Variants in CEPT1 observed in about 807,000 individuals in gnomAD.
The protein encoded by CEPT1 is choline/ethanolamine phosphotransferase 1, also known as choline/ethanolaminephosphotransferase 1.
Under a neutral mutation model 42.6 loss-of-function variants are expected in CEPT1, and 7 were observed. The observed-to-expected ratio is 0.16, with a 90% CI of 0.09 to 0.31. The LOEUF (loss-of-function observed/expected upper bound fraction) is 0.31. Ranked by LOEUF, CEPT1 falls within the 10% of genes least tolerant of loss-of-function variation. The probability of loss-of-function intolerance (pLI) is 1.00; values close to 1 mark genes in which losing one functional copy is unlikely to be tolerated. For synonymous variants in CEPT1, 171 were observed against 171.9 expected (o/e 0.99, Z 0.04); for missense variants, 306 against 502.1 (o/e 0.61, Z 3.73).
chr1:111,144,381 G>T (rs1205965929), intron 1 of CEPT1, among the ~76,000 whole-genome samples: 2 of 152,206 alleles, frequency 1.3e-5, no homozygotes, highest in Admixed American at 6.5e-5. Context: ...GTTGCTAATA[G>T]CTTCACAGAG....
upstream of CEPT1, chr1:111,139,913 G>C (rs988685952): frequency 6.6e-6 from 1 of 152,112 alleles, no homozygotes; most frequent in Non-Finnish European, 1.5e-5. Flanking sequence ...CCTGCGACGC[G>C]GGTAAGGGGG....
At position 111,159,235 on chromosome 1, in the gene CEPT1, T is replaced by C. The variant is rs191460357; in HGVS notation, c.340-145T>C. 1.1e-3 allele frequency: 779 copies of C among 739,548 alleles called. 5 individuals are homozygous for C. In the African/African-American group the frequency reaches 0.012, roughly 11 times the overall value. 45.8% of individuals were successfully genotyped at this position (739,548 alleles called of 1,614,324 possible). On this transcript the variant is annotated intron_variant, in intron 2 of 8. Coordinates refer to ENST00000357172, the MANE Select transcript of CEPT1 (RefSeq NM_006090.5). ...CGGCATTCTTTTACAATTCTAATTG[T>C]TTCAGTGAGTTCTTCATTATGTAGC...
At position 111,163,849 on chromosome 1, in the gene CEPT1, AT is replaced by A. The variant is rs916494027; in HGVS notation, c.629+2559del. Among the ~76,000 whole-genome samples, 93 of 152,296 alleles carry A rather than the reference AT, an allele frequency of 6.1e-4. 1 individual carries two copies. Among genetic ancestry groups the A allele is most frequent in the South Asian group, 2.3e-3 (11 of 4,826 alleles). On this transcript the variant is annotated intron_variant, in intron 4 of 8. Coordinates refer to ENST00000357172, the MANE Select transcript of CEPT1 (RefSeq NM_006090.5). ...TCTGAAATGTAGTTTGAGTAAAGAA[AT>A]TTTTTAAAATCACTTGCATTTTCTT... is the stretch of plus-strand genomic sequence containing the variant.
intron 1 of CEPT1, among the ~76,000 whole-genome samples, chr1:111,141,662 C>G (rs535519421): frequency 6.6e-6 from 1 of 152,110 alleles, no homozygotes; most frequent in African/African-American, 2.4e-5. Flanking sequence ...CAATATTTCA[C>G]TTCAGCAAAA....
chr1:111,150,531 T>G (rs1655212362), intron 2 of CEPT1, among the ~76,000 whole-genome samples: 1 of 152,160 alleles, frequency 6.6e-6, no homozygotes, highest in South Asian at 2.1e-4. Context: ...CCAGGGAAAT[T>G]CTCCTTCATT....
chr1:111,169,029 A>G (rs1000290777), intron 4 of CEPT1, among the ~76,000 whole-genome samples: 12 of 152,234 alleles, frequency 7.9e-5, no homozygotes, highest in African/African-American at 2.7e-4. Flanking sequence ...TACGTTACTT[A>G]TACCTCACAC....
Position 111,183,568 on chromosome 1 carries a change from T to C in CEPT1, c.1112T>C (p.Ile371Thr). ...QYFNSFIDEY[I>T]VLWIALVFSF... Reference sequence around the variant, plus strand: ...TTTAACAGCTTTATTGATGAATATATTGTACTTTGGATTGCCCTGGTAAGT... The same window carrying C: ...TTTAACAGCTTTATTGATGAATATACTGTACTTTGGATTGCCCTGGTAAGT... The change falls in exon 8 of 9, where the codon ATT (isoleucine) becomes ACT (threonine). Residue 371 changes from isoleucine to threonine, a missense_variant. Ile to Thr is a moderately conservative substitution (Grantham distance 89). This residue lies in a region of CEPT1 where 253 missense variants were observed against 447.3 expected (regional missense o/e 0.57). Transcript: ENST00000357172. 6.2e-7 allele frequency: 1 copy of C among 1,612,970 alleles called. No individual in the cohort carries two copies. The highest frequency in any genetic ancestry group is 8.5e-7 in the Non-Finnish European group (1 of 1,179,042).
intron 2 of CEPT1, among the ~76,000 whole-genome samples, chr1:111,149,266 C>CTTTTTTTTTTTTTT (rs775722606): frequency 0.014 from 1,797 of 127,310 alleles, 164 homozygotes; most frequent in African/African-American, 0.044. Flanking sequence ...GGTTTCTCCT[C>CTTTTTTTTTTTTTT]TTTTTTTTTT....
intron 4 of CEPT1, among the ~76,000 whole-genome samples, chr1:111,164,848 C>A (rs185321209): frequency 6.6e-6 from 1 of 151,854 alleles, no homozygotes; most frequent in Admixed American, 6.6e-5. Context: ...TGGTCTCGAT[C>A]TCCTGACCTC....
At chr1:111,175,815 C>T (rs1656649442) in intron 5 of CEPT1, among the ~76,000 whole-genome samples, 2 of 152,048 alleles carry the variant, frequency 1.3e-5, no homozygotes. Flanking sequence ...GTATGTACTC[C>T]CCTGGTCATC....
intron 2 of CEPT1, among the ~76,000 whole-genome samples, chr1:111,154,549 T>C (rs1456562261): frequency 6.6e-6 from 1 of 152,232 alleles, no homozygotes; most frequent in Non-Finnish European, 1.5e-5. Flanking sequence ...AAAGTGGGCA[T>C]CCTTGTCTGG....
At chr1:111,154,367 T>A (rs917026055) in intron 2 of CEPT1, among the ~76,000 whole-genome samples, 1 of 152,150 alleles carries the variant, frequency 6.6e-6, no homozygotes, top group African/African-American at 2.4e-5. Flanking sequence ...TTTACTGAAT[T>A]TAACAGTTCT....
chr1:111,152,799 T>C (rs905558489), intron 2 of CEPT1, among the ~76,000 whole-genome samples: 4 of 152,186 alleles, frequency 2.6e-5, no homozygotes, highest in African/African-American at 7.2e-5. Flanking sequence ...AAAACTCATA[T>C]TGTACCTGCC....
intron 2 of CEPT1, among the ~76,000 whole-genome samples, chr1:111,153,309 A>G (rs1655386595): frequency 6.6e-6 from 1 of 152,124 alleles, no homozygotes; most frequent in Admixed American, 6.5e-5. Context: ...CCCAGGTTCA[A>G]GTGATGCTCC....
At chr1:111,168,558 A>G (rs1656255788) in intron 4 of CEPT1, among the ~76,000 whole-genome samples, 2 of 150,286 alleles carry the variant, frequency 1.3e-5, no homozygotes, top group African/African-American at 4.9e-5. Flanking sequence ...GAGCTATCTC[A>G]GCTCACTGCA....
At position 111,184,847 on chromosome 1, in the gene CEPT1, C is replaced by CTTTTTTTT. The variant is rs34173256; in HGVS notation, c.*552_*559dup. 13 of 116,472 alleles carry CTTTTTTTT rather than the reference C, an allele frequency of 1.1e-4. No homozygotes were observed. Among genetic ancestry groups the CTTTTTTTT allele is most frequent in the East Asian group, 2.4e-4 (1 of 4,112 alleles). 7.2% of individuals were successfully genotyped at this position (116,472 alleles called of 1,614,324 possible). ...CTATCTTTACATTGTTGAGGAAGTC[C>CTTTTTTTT]TTTTTTTTTTTTTTTTTTTTTTAAT... On this transcript the variant is annotated 3_prime_UTR_variant, in exon 9 of 9. Coordinates refer to ENST00000357172, the MANE Select transcript of CEPT1 (RefSeq NM_006090.5).
intron 4 of CEPT1, 144 bp downstream of exon 4, chr1:111,161,440 T>G: frequency 1.4e-6 from 1 of 724,906 alleles, no homozygotes; most frequent in Non-Finnish European, 2.2e-6. Flanking sequence ...TTATAGCTAT[T>G]TCCTAATAGT....
At chr1:111,147,173 G>A (rs1397542002) in intron 1 of CEPT1, among the ~76,000 whole-genome samples, 16 of 152,164 alleles carry the variant, frequency 1.1e-4, no homozygotes, top group Admixed American at 1.0e-3. Flanking sequence ...CTTAAGTTTT[G>A]TAATATGAAG....
At chr1:111,174,176 C>CT (rs1248049047) in intron 4 of CEPT1, among the ~76,000 whole-genome samples, 4 of 151,890 alleles carry the variant, frequency 2.6e-5, no homozygotes, top group East Asian at 1.9e-4. Context: ...TGCCCATGTT[C>CT]TTTTTTTTCA....
Sources: gnomAD v4.1 joint callset for allele counts (sites outside exome capture counted in the v4.1 genomes callset) on GRCh38, gnomAD v4.1.1 for gene constraint, gnomAD v4.1.1 regional missense constraint, MANE v1.5 for transcripts, NCBI Gene and HGNC (gene_info 2026-07-23, HGNC 2026-07-21) for gene names.